SORBS2: variants seen among roughly 807,000 people sequenced by gnomAD.
SORBS2 encodes sorbin and SH3 domain-containing protein 2.
Under a neutral mutation model 97.7 loss-of-function variants are expected in SORBS2, and 46 were observed. That is an observed-to-expected ratio of 0.47 (90% CI 0.37 to 0.60). The LOEUF is 0.60. Among genes scored for constraint, SORBS2 ranks in the 20% least tolerant of loss-of-function variants. The probability of loss-of-function intolerance (pLI) is 0.00; values close to 1 mark genes in which losing one functional copy is unlikely to be tolerated. For synonymous variants in SORBS2, 476 were observed against 473.4 expected, an observed-to-expected ratio of 1.01 and a Z score of -0.07; for missense variants, 1,316 against 1,282.3, an observed-to-expected ratio of 1.03 and a Z score of -0.40.
intron 2 of SORBS2, among the ~76,000 whole-genome samples, chr4:185,683,227 GT>G (rs76783528): frequency 0.17 from 19,992 of 115,536 alleles, 2,837 homozygotes; most frequent in African/African-American, 0.37. Context: ...AGTGTGAAAT[GT>G]TTTTTTTTTC....
chr4:185,822,153 A>G (rs2099197151), intron 1 of SORBS2, among the ~76,000 whole-genome samples: 1 of 152,260 alleles, frequency 6.6e-6, no homozygotes, highest in South Asian at 2.1e-4. Flanking sequence ...GTTGGCTACA[A>G]TATTCTTAAA....
intron 1 of SORBS2, among the ~76,000 whole-genome samples, chr4:185,948,029 CT>C (rs1231753562): frequency 6.6e-6 from 1 of 152,140 alleles, no homozygotes; most frequent in African/African-American, 2.4e-5. Context: ...GAGGCCGGTT[CT>C]TTTTTTAATG....
intron 1 of SORBS2, among the ~76,000 whole-genome samples, chr4:185,841,391 C>T (rs2099211435): frequency 6.6e-6 from 1 of 152,064 alleles, no homozygotes; most frequent in Admixed American, 6.5e-5. Flanking sequence ...ATTGCACTTG[C>T]TCGTGTATTA....
chr4:185,768,431 C>T (rs968073745), intron 2 of SORBS2, among the ~76,000 whole-genome samples: 1 of 152,160 alleles, frequency 6.6e-6, no homozygotes, highest in Non-Finnish European at 1.5e-5. Flanking sequence ...GTGGCTCACA[C>T]CTGTAATCCC....
chr4:185,792,939 G>A (rs909968811), intron 1 of SORBS2, among the ~76,000 whole-genome samples: 5 of 152,134 alleles, frequency 3.3e-5, no homozygotes, highest in African/African-American at 7.2e-5. Flanking sequence ...ACTTCTCTGC[G>A]CCTGTTTCCT....
intron 1 of SORBS2, among the ~76,000 whole-genome samples, chr4:185,836,760 C>G (rs1413940297): frequency 1.3e-5 from 2 of 152,142 alleles, no homozygotes; most frequent in Non-Finnish European, 2.9e-5. Context: ...ACCTCTTGTC[C>G]ACATTATTTA....
At chr4:185,956,344 G>C (rs1389613203) in exon 1 of SORBS2, 1 of 152,196 alleles carries the variant, frequency 6.6e-6, no homozygotes, top group Non-Finnish European at 1.5e-5. Flanking sequence ...CGGCATGTAC[G>C]TGGTGTTCAT....
At chr4:185,594,526 T>A (rs2096037073) in intron 12 of SORBS2, among the ~76,000 whole-genome samples, 1 of 152,216 alleles carries the variant, frequency 6.6e-6, no homozygotes, top group Admixed American at 6.5e-5. Flanking sequence ...AACTTTGGAA[T>A]GCAACGAACA....
chr4:185,772,004 AT>A (rs1362478482), intron 2 of SORBS2: 1 of 152,180 alleles, frequency 6.6e-6, no homozygotes, highest in Non-Finnish European at 1.5e-5. Context: ...GGTGTCTCTA[AT>A]GAGAAAAATA....
intron 9 of SORBS2, 179 bp from the exon 22 acceptor site, chr4:185,615,338 CATT>C (rs1338486452): frequency 6.8e-6 from 4 of 586,900 alleles, no homozygotes; most frequent in Non-Finnish European, 9.1e-6. Context: ...GCACTTAAAA[CATT>C]ATAACTTTAG....
intron 1 of SORBS2, among the ~76,000 whole-genome samples, chr4:185,930,934 A>C (rs1023438481): frequency 6.6e-6 from 1 of 152,200 alleles, no homozygotes; most frequent in Admixed American, 6.5e-5. Context: ...ATGTGCCTCT[A>C]AAAACTCAAT....
At chr4:185,889,734 A>G (rs757792260) in intron 1 of SORBS2, among the ~76,000 whole-genome samples, 8 of 151,796 alleles carry the variant, frequency 5.3e-5, no homozygotes, top group African/African-American at 1.9e-4. Flanking sequence ...CTGAACATCT[A>G]TATAATTTAT....
intron 1 of SORBS2, among the ~76,000 whole-genome samples, chr4:185,817,370 C>T (rs1043955045): frequency 6.6e-6 from 1 of 152,160 alleles, no homozygotes; most frequent in Non-Finnish European, 1.5e-5. Flanking sequence ...ACAGAAAAGG[C>T]TGCACTTGCT....
At chr4:185,589,725 A>G (rs745715263) in exon 14 of SORBS2, 7 of 1,613,312 alleles carry the variant, frequency 4.3e-6, no homozygotes, top group Non-Finnish European at 1.7e-6. Context: ...CAATGACATC[A>G]CTTTCTCTGA....
chr4:185,878,799 G>T (rs1375149424), intron 1 of SORBS2, among the ~76,000 whole-genome samples: 2 of 151,954 alleles, frequency 1.3e-5, no homozygotes, highest in Non-Finnish European at 2.9e-5. Flanking sequence ...CAATTCCAGT[G>T]CCTCGCCTCA....
intron 1 of SORBS2, among the ~76,000 whole-genome samples, chr4:185,924,591 G>C (rs530784845): frequency 1.3e-5 from 2 of 152,236 alleles, no homozygotes; most frequent in East Asian, 3.9e-4. Context: ...ATAACCCCAC[G>C]TGTGTAGAAC....
In SORBS2 at chr4:185,677,024, C is replaced by T. The variant is rs9995610; in HGVS notation, c.-46+1399G>A. On this transcript the variant is annotated intron_variant, in intron 4 of 20. Transcript: ENST00000284776. The stretch of plus-strand genomic sequence containing the variant: ...CTCTGCAGTCTGAGGACTGAGAGGC[C>T]GCTGCAACTGCAGATTTTTGTCTCT... 1.7e-3 allele frequency: 2,568 copies of T among 1,550,774 alleles called. 35 individuals carry two copies. The African/African-American group carries it at 0.03, about 18-fold the overall frequency.
chr4:185,838,990 G>A (rs887085463), intron 1 of SORBS2, among the ~76,000 whole-genome samples: 1 of 152,150 alleles, frequency 6.6e-6, no homozygotes, highest in East Asian at 1.9e-4. Flanking sequence ...TTTCCATGGG[G>A]CATAAACTGG....
At chr4:185,639,763 G>T (rs2097095955) in intron 4 of SORBS2, among the ~76,000 whole-genome samples, 1 of 152,206 alleles carries the variant, frequency 6.6e-6, no homozygotes, top group Admixed American at 6.5e-5. Flanking sequence ...TAGGAGAGGA[G>T]CTGTGACTCC....
Sources: allele counts gnomAD v4.1 joint callset (sites outside exome capture counted in the v4.1 genomes callset), GRCh38; gene constraint gnomAD v4.1.1; transcripts MANE v1.5; gene names NCBI Gene and HGNC (gene_info 2026-07-23, HGNC 2026-07-21).